Variants in C12orf42 observed in about 807,000 individuals in gnomAD.
C12orf42 encodes uncharacterized protein C12orf42.
A neutral mutation model predicts 21.6 loss-of-function variants in C12orf42; 25 were observed. The observed-to-expected ratio is 1.16, with a 90% confidence interval of 0.84 to 1.62. The LOEUF (loss-of-function observed/expected upper bound fraction) is 1.62. C12orf42 is among the 40% of genes most tolerant of loss of function. The pLI is 0.00. For missense variants in C12orf42, 483 were observed against 459.3 expected, an observed-to-expected ratio of 1.05 and a Z score of -0.47; for synonymous variants, 174 against 175.0, an observed-to-expected ratio of 0.99 and a Z score of 0.05.
chr12:103,055,899 A>G, the C12orf42 span, among the ~76,000 whole-genome samples: 1 of 152,074 alleles, frequency 6.6e-6, no homozygotes, highest in Non-Finnish European at 1.5e-5. Context: ...TAGTTAGAGA[A>G]AATATTTTGT....
At chr12:103,151,284 GAATT>G in the C12orf42 span, among the ~76,000 whole-genome samples, 4 of 152,082 alleles carry the variant, frequency 2.6e-5, no homozygotes, top group South Asian at 8.3e-4. Context: ...CTTCACCAAT[GAATT>G]AATTCACACA....
chr12:103,295,345 C>A (rs764302726), intron 4 of C12orf42, among the ~76,000 whole-genome samples: 9 of 151,922 alleles, frequency 5.9e-5, no homozygotes, highest in Non-Finnish European at 1.3e-4. Context: ...ATCGTGTACC[C>A]CAATCTGAAC....
downstream of C12orf42, among the ~76,000 whole-genome samples, chr12:103,236,889 G>A (rs1222832747): frequency 6.6e-6 from 1 of 152,048 alleles, no homozygotes; most frequent in East Asian, 1.9e-4. Flanking sequence ...AAATCTATGA[G>A]ACCAAAAATC....
chr12:103,106,569 G>A, the C12orf42 span, among the ~76,000 whole-genome samples: 2 of 151,620 alleles, frequency 1.3e-5, no homozygotes, highest in Non-Finnish European at 2.9e-5. Flanking sequence ...GGGAATGTGG[G>A]GATATTGTTA....
chr12:103,473,939 G>T (rs1953829800), intron 2 of C12orf42, among the ~76,000 whole-genome samples: 1 of 152,122 alleles, frequency 6.6e-6, no homozygotes, highest in Non-Finnish European at 1.5e-5. Context: ...TCATATCAGT[G>T]CAGATGTTTT....
At chr12:103,061,014 G>C in the C12orf42 span, among the ~76,000 whole-genome samples, 2 of 152,116 alleles carry the variant, frequency 1.3e-5, no homozygotes, top group Non-Finnish European at 2.9e-5. Flanking sequence ...CAAGAGAACA[G>C]CACTTCTTTA....
intron 4 of C12orf42, among the ~76,000 whole-genome samples, chr12:103,280,158 G>A (rs961526745): frequency 2.0e-5 from 3 of 152,136 alleles, no homozygotes; most frequent in African/African-American, 7.2e-5. Flanking sequence ...AGTGGATACT[G>A]ATATTACCCA....
intron 10 of C12orf42, among the ~76,000 whole-genome samples, chr12:103,258,676 C>A (rs2034735610): frequency 6.6e-6 from 1 of 152,022 alleles, no homozygotes. Flanking sequence ...AAAACCTTGT[C>A]TCTATATATC....
At position 103,363,110 on chromosome 12, in the gene C12orf42, A is replaced by AC. The variant is rs568642976; in HGVS notation, c.259+5776dup. Among the ~76,000 whole-genome samples, 26 of 152,234 alleles carry AC rather than the reference A, an allele frequency of 1.7e-4. No homozygotes were observed. In the South Asian group the frequency reaches 5.4e-3, roughly 32 times the overall value. ...GAGCCATGAGGCAAAAGCACCAGGT[A>AC]CCCTATGAAGGAAAACCTGTCAGAT... On this transcript the variant is annotated intron_variant, in intron 4 of 5. Transcript: ENST00000548883.
chr12:103,101,011 C>A, the C12orf42 span, among the ~76,000 whole-genome samples: 1 of 152,098 alleles, frequency 6.6e-6, no homozygotes, highest in Admixed American at 6.5e-5. Flanking sequence ...AAACCAGGTT[C>A]GAATCCTGGC....
intron 2 of C12orf42, among the ~76,000 whole-genome samples, chr12:103,411,787 T>C (rs766072753): frequency 1.1e-4 from 17 of 152,236 alleles, no homozygotes; most frequent in Non-Finnish European, 2.1e-4. Flanking sequence ...AATTACCCTA[T>C]CTAAAGTATT....
the C12orf42 span, among the ~76,000 whole-genome samples, chr12:103,195,444 T>C: frequency 6.4e-4 from 98 of 152,270 alleles, no homozygotes; most frequent in African/African-American, 2.3e-3. Flanking sequence ...CTCCACAACC[T>C]TGCCAGCATC....
chr12:103,129,637 T>C, the C12orf42 span, among the ~76,000 whole-genome samples: 2 of 152,264 alleles, frequency 1.3e-5, no homozygotes, highest in Non-Finnish European at 2.9e-5. Context: ...CCCTTTGTTA[T>C]GACATCTCTC....
At chr12:103,171,917 G>A in the C12orf42 span, among the ~76,000 whole-genome samples, 1 of 152,078 alleles carries the variant, frequency 6.6e-6, no homozygotes, top group African/African-American at 2.4e-5. Context: ...AAAGTGGTGG[G>A]GATAACACAG....
At chr12:103,101,579 AG>A in the C12orf42 span, among the ~76,000 whole-genome samples, 1 of 152,246 alleles carries the variant, frequency 6.6e-6, no homozygotes, top group Non-Finnish European at 1.5e-5. Context: ...ATCTCTATCT[AG>A]AACATCATCC....
chr12:103,445,289 G>T (rs577922133), intron 2 of C12orf42, among the ~76,000 whole-genome samples: 2 of 152,018 alleles, frequency 1.3e-5, no homozygotes, highest in Non-Finnish European at 1.5e-5. Flanking sequence ...CCCACGTTTT[G>T]TCTGTGTTGA....
chr12:103,256,913 G>T (rs1178633793), intron 10 of C12orf42, among the ~76,000 whole-genome samples: 1 of 152,048 alleles, frequency 6.6e-6, no homozygotes, highest in African/African-American at 2.4e-5. Context: ...AACCTCACCA[G>T]CATCTGTTAT....
intron 4 of C12orf42, among the ~76,000 whole-genome samples, chr12:103,332,735 A>G (rs936172598): frequency 9.9e-5 from 15 of 152,248 alleles, no homozygotes; most frequent in African/African-American, 3.4e-4. Context: ...GGTACCTGTG[A>G]ATGTGACCTT....
chr12:103,083,949 T>G, the C12orf42 span, among the ~76,000 whole-genome samples: 1 of 152,198 alleles, frequency 6.6e-6, no homozygotes, highest in Non-Finnish European at 1.5e-5. Context: ...AAAATTCATA[T>G]AGTGTTGTAC....
Sources: allele counts gnomAD v4.1 joint callset (sites outside exome capture counted in the v4.1 genomes callset), GRCh38; gene constraint gnomAD v4.1.1; transcripts MANE v1.5; gene names NCBI Gene and HGNC (gene_info 2026-07-23, HGNC 2026-07-21).